GALNT13: variants seen among roughly 807,000 people sequenced by gnomAD.
GALNT13 encodes the protein UDP-GalNAc:polypeptide N-acetylgalactosaminyltransferase 13.
Under a neutral mutation model 64.2 loss-of-function variants are expected in GALNT13, and 28 were observed. That is an observed-to-expected ratio of 0.44 (90% CI 0.32 to 0.60). GALNT13 has a LOEUF of 0.60. Among genes scored for constraint, GALNT13 ranks in the 20% least tolerant of loss-of-function variants. GALNT13 has a pLI of 0.05. For missense variants in GALNT13, 577 were observed against 669.8 expected (o/e 0.86, Z 1.53); for synonymous variants, 214 against 224.6 (o/e 0.95, Z 0.42).
At chr2:153,638,750 G>T in the GALNT13 span, among the ~76,000 whole-genome samples, 1 of 152,088 alleles carries the variant, frequency 6.6e-6, no homozygotes, top group African/African-American at 2.4e-5. Flanking sequence ...ATTTGGCGGG[G>T]TGGGGGTGTG....
intron 4 of GALNT13, among the ~76,000 whole-genome samples, chr2:154,169,961 G>T (rs1685262869): frequency 6.6e-6 from 1 of 152,092 alleles, no homozygotes; most frequent in African/African-American, 2.4e-5. Flanking sequence ...GTGCTGCAAG[G>T]AAGAAACTTC....
intron 7 of GALNT13, among the ~76,000 whole-genome samples, chr2:154,254,092 C>G (rs1023522288): frequency 6.6e-6 from 1 of 152,070 alleles, no homozygotes; most frequent in Non-Finnish European, 1.5e-5. Context: ...GAGTGTATAA[C>G]ATTTGTATTA....
chr2:153,373,132 T>TTG, the GALNT13 span, among the ~76,000 whole-genome samples: 8,795 of 148,762 alleles, frequency 0.059, 430 homozygotes, highest in African/African-American at 0.13. Flanking sequence ...TTCTGTTGCT[T>TTG]TGTGTGTGTG....
chr2:153,860,400 G>A, the GALNT13 span, among the ~76,000 whole-genome samples: 1 of 152,070 alleles, frequency 6.6e-6, no homozygotes, highest in Admixed American at 6.6e-5. Flanking sequence ...GAGGGATAGA[G>A]GATATAGTTG....
chr2:154,115,376 A>T (rs1332476226), intron 3 of GALNT13, among the ~76,000 whole-genome samples: 1 of 152,114 alleles, frequency 6.6e-6, no homozygotes, highest in African/African-American at 2.4e-5. Flanking sequence ...ATATGTATAC[A>T]TGTGCCATGA....
chr2:153,223,130 T>A, the GALNT13 span, among the ~76,000 whole-genome samples: 1 of 152,066 alleles, frequency 6.6e-6, no homozygotes, highest in Non-Finnish European at 1.5e-5. Flanking sequence ...GATAAAACAA[T>A]CTTAAATATG....
chr2:153,561,726 A>G, the GALNT13 span, among the ~76,000 whole-genome samples: 1 of 150,966 alleles, frequency 6.6e-6, no homozygotes, highest in Non-Finnish European at 1.5e-5. Flanking sequence ...GTGAAATACA[A>G]TTGAAGATGC....
At chr2:153,620,129 A>C in the GALNT13 span, among the ~76,000 whole-genome samples, 1 of 151,580 alleles carries the variant, frequency 6.6e-6, no homozygotes, top group Non-Finnish European at 1.5e-5. Flanking sequence ...GTAGGCATTT[A>C]TTTTTATTTT....
the GALNT13 span, among the ~76,000 whole-genome samples, chr2:153,778,319 C>A: frequency 6.6e-6 from 1 of 152,190 alleles, no homozygotes; most frequent in Non-Finnish European, 1.5e-5. Flanking sequence ...GGAAATGCAA[C>A]ATTTGGGCAC....
chr2:154,424,203 A>G (rs1438008395), intron 11 of GALNT13, among the ~76,000 whole-genome samples: 6 of 152,134 alleles, frequency 3.9e-5, no homozygotes, highest in Non-Finnish European at 7.3e-5. Context: ...AATCTGAATA[A>G]ACTCTAGAGT....
At chr2:153,792,441 T>G in the GALNT13 span, among the ~76,000 whole-genome samples, 1 of 152,174 alleles carries the variant, frequency 6.6e-6, no homozygotes, top group South Asian at 2.1e-4. Flanking sequence ...TGATTTTACA[T>G]AAGGAACTTG....
chr2:153,462,463 G>C, the GALNT13 span, among the ~76,000 whole-genome samples: 5 of 152,208 alleles, frequency 3.3e-5, no homozygotes, highest in African/African-American at 1.2e-4. Context: ...CCTGTTAATA[G>C]CTGGATGGAG....
the GALNT13 span, among the ~76,000 whole-genome samples, chr2:153,551,819 A>T: frequency 6.6e-6 from 1 of 152,180 alleles, no homozygotes; most frequent in Non-Finnish European, 1.5e-5. Flanking sequence ...TCAGGGCATA[A>T]TTCTAGGCTA....
At chr2:153,651,350 A>C in the GALNT13 span, among the ~76,000 whole-genome samples, 1 of 152,198 alleles carries the variant, frequency 6.6e-6, no homozygotes, top group Non-Finnish European at 1.5e-5. Context: ...GGAAGAAGGC[A>C]GAAGCCAGGG....
At chr2:154,427,011 A>G (rs1384918105) in intron 11 of GALNT13, among the ~76,000 whole-genome samples, 2 of 152,236 alleles carry the variant, frequency 1.3e-5, no homozygotes, top group Non-Finnish European at 2.9e-5. Flanking sequence ...ATAAAAACCA[A>G]TAGGAAAAGA....
intron 3 of GALNT13, among the ~76,000 whole-genome samples, chr2:154,021,734 C>G (rs1475103420): frequency 6.6e-6 from 1 of 151,612 alleles, no homozygotes; most frequent in African/African-American, 2.4e-5. Context: ...ACTTCCAACA[C>G]TATGTTGAAT....
At chr2:153,083,110 A>T in the GALNT13 span, among the ~76,000 whole-genome samples, 1 of 152,124 alleles carries the variant, frequency 6.6e-6, no homozygotes, top group East Asian at 1.9e-4. Flanking sequence ...TATAGGTGTG[A>T]GCCATCATGC....
At chr2:153,664,649 G>A in the GALNT13 span, among the ~76,000 whole-genome samples, 2 of 152,188 alleles carry the variant, frequency 1.3e-5, no homozygotes, top group Non-Finnish European at 2.9e-5. Flanking sequence ...CATAATTTAT[G>A]TTCAGAGATT....
chr2:153,444,154 T>C, the GALNT13 span, among the ~76,000 whole-genome samples: 1 of 152,094 alleles, frequency 6.6e-6, no homozygotes, highest in Non-Finnish European at 1.5e-5. Flanking sequence ...TATCTACCTA[T>C]CTATCATCTA....
Sources: allele counts gnomAD v4.1 joint callset (sites outside exome capture counted in the v4.1 genomes callset), GRCh38; gene constraint gnomAD v4.1.1; transcripts MANE v1.5; gene names NCBI Gene and HGNC (gene_info 2026-07-23, HGNC 2026-07-21).